The following EPCAM variants were observed in gnomAD, a reference collection of about 807,000 sequenced individuals.
EPCAM encodes epithelial cell adhesion molecule.
Under a neutral mutation model 40.0 loss-of-function variants are expected in EPCAM, and 39 were observed. The ratio of observed to expected loss-of-function variants is 0.98; its 90% CI spans 0.76 to 1.27. The LOEUF (loss-of-function observed/expected upper bound fraction) is 1.27. Among genes scored for constraint, EPCAM ranks in the 50% most tolerant of loss-of-function variants. The probability of loss-of-function intolerance (pLI) is 0.00; values close to 1 mark genes in which losing one functional copy is unlikely to be tolerated. For missense variants in EPCAM, 503 were observed against 381.2 expected, an observed-to-expected ratio of 1.32 and a Z score of -2.66; for synonymous variants, 168 against 132.3, an observed-to-expected ratio of 1.27 and a Z score of -1.85.
chr2:47,379,088 A>AATAAAGAAG, intron 6 of EPCAM, 34 bp downstream of exon 6: 2 of 1,099,628 alleles, frequency 1.8e-6, no homozygotes, highest in Non-Finnish European at 2.8e-6. Context: ...TGTGTTCAGG[A>AATAAAGAAG]ATGTAGTCTA....
At chr2:47,375,996 G>A (rs915845885) in intron 4 of EPCAM, among the ~76,000 whole-genome samples, 13 of 151,940 alleles carry the variant, frequency 8.6e-5, no homozygotes, top group Admixed American at 5.9e-4. Context: ...GAGCTTCCGC[G>A]CCCGGCCAGG....
chr2:47,380,204 T>A (rs143823393), intron 7 of EPCAM, among the ~76,000 whole-genome samples: 1 of 152,100 alleles, frequency 6.6e-6, no homozygotes, highest in African/African-American at 2.4e-5. Flanking sequence ...TGGTCCCATC[T>A]ACTTAGGAGG....
At chr2:47,381,208 C>T (rs557282818) in intron 7 of EPCAM, among the ~76,000 whole-genome samples, 1 of 149,942 alleles carries the variant, frequency 6.7e-6, no homozygotes, top group South Asian at 2.1e-4. Context: ...ACCAGCCTGA[C>T]CAACGTGGAG....
At chr2:47,374,719 C>G (rs187865379) in intron 3 of EPCAM, among the ~76,000 whole-genome samples, 1 of 152,074 alleles carries the variant, frequency 6.6e-6, no homozygotes, top group African/African-American at 2.4e-5. Context: ...TCTCAGCTCA[C>G]TGCAACCTCT....
chr2:47,369,915 C>T (rs1167091410), intron 1 of EPCAM: 7 of 436,880 alleles, frequency 1.6e-5, no homozygotes, highest in Admixed American at 3.2e-5. Flanking sequence ...CTGGCGCACC[C>T]ACGTCCTCGG....
chr2:47,384,940 C>G (rs1671700786), intron 7 of EPCAM, among the ~76,000 whole-genome samples: 1 of 152,120 alleles, frequency 6.6e-6, no homozygotes, highest in African/African-American at 2.4e-5. Context: ...CTCCTGACCT[C>G]AGATGATCTT....
intron 1 of EPCAM, chr2:47,369,847 A>T: frequency 1.7e-6 from 1 of 600,862 alleles, no homozygotes; most frequent in South Asian, 1.6e-5. Flanking sequence ...GGGGACAGGC[A>T]GGGAACGGAG....
chr2:47,370,666 G>C (rs758390221), intron 1 of EPCAM, among the ~76,000 whole-genome samples: 1 of 151,876 alleles, frequency 6.6e-6, no homozygotes, highest in Non-Finnish European at 1.5e-5. Context: ...TACGCCTCCC[G>C]GCCTCAGACC....
At chr2:47,383,530 C>G (rs1328232626) in intron 7 of EPCAM, 1 of 147,762 alleles carries the variant, frequency 6.8e-6, no homozygotes, top group Admixed American at 6.8e-5. Flanking sequence ...GTCTCGAACT[C>G]ATCACCTCGT....
intron 7 of EPCAM, among the ~76,000 whole-genome samples, chr2:47,382,667 C>T (rs1243871898): frequency 1.3e-5 from 2 of 152,062 alleles, no homozygotes; most frequent in South Asian, 2.1e-4. Context: ...GCCTGGGCAA[C>T]GAGAGCAAAA....
intron 7 of EPCAM, among the ~76,000 whole-genome samples, chr2:47,381,475 C>A (rs1174328279): frequency 6.6e-6 from 1 of 151,464 alleles, no homozygotes; most frequent in Non-Finnish European, 1.5e-5. Context: ...ACTTAGATTT[C>A]CAGTTCAATC....
chr2:47,369,822 C>T (rs556141957), intron 1 of EPCAM: 4 of 647,674 alleles, frequency 6.2e-6, no homozygotes, highest in Non-Finnish European at 1.2e-5. Flanking sequence ...AGGGAAATGG[C>T]CTTGGGCGGA....
intron 7 of EPCAM, among the ~76,000 whole-genome samples, chr2:47,381,621 A>G (rs1671593243): frequency 6.6e-6 from 1 of 152,168 alleles, no homozygotes. Flanking sequence ...TGGGCAGTGT[A>G]TCCATTTTCA....
At chr2:47,382,065 G>A (rs1671607583) in intron 7 of EPCAM, among the ~76,000 whole-genome samples, 1 of 151,900 alleles carries the variant, frequency 6.6e-6, no homozygotes, top group South Asian at 2.1e-4. Flanking sequence ...ATTGCACCTA[G>A]TCCTATATAT....
In EPCAM at chr2:47,369,317, C is replaced by G. The variant is rs539900942; in HGVS notation, c.-189C>G. 96 of 1,350,876 alleles carry G rather than the reference C, an allele frequency of 7.1e-5. 1 individual carries two copies. In the South Asian group the frequency reaches 1.4e-3, roughly 19 times the overall value. 83.7% of individuals were successfully genotyped at this position (1,350,876 alleles called of 1,614,324 possible). A position where few individuals can be genotyped will look rare whatever the true frequency, so the allele number is the denominator to read the frequency against. ...GCTCCGCCCCGCCGCGCGCACAGAG[C>G]GCTAGTCCTTCGGCGAGCGAGCACC... is the stretch of plus-strand genomic sequence containing the variant. On this transcript the variant is annotated 5_prime_UTR_variant, in exon 1 of 9. Transcript: ENST00000263735.
chr2:47,374,318 GT>G (rs1671365962), intron 3 of EPCAM, among the ~76,000 whole-genome samples: 2 of 151,928 alleles, frequency 1.3e-5, no homozygotes, highest in Admixed American at 1.3e-4. Context: ...AGCATACTAG[GT>G]ATAATTTTTC....
At chr2:47,385,288 A>AAATGCATCAGTG in intron 8 of EPCAM, 78 bp downstream of exon 8, 1 of 1,184,370 alleles carries the variant, frequency 8.4e-7, no homozygotes, top group Non-Finnish European at 1.3e-6. Flanking sequence ...CTACACACTG[A>AAATGCATCAGTG]TGCATTTCAG....
At position 47,373,208 on chromosome 2, in the gene EPCAM, A is replaced by T. The variant is rs1442748495; in HGVS notation, c.77-255A>T. 9.8e-5 allele frequency among the ~76,000 whole-genome samples: 13 copies of T among 132,626 alleles called. 1 individual carries two copies. The highest frequency in any genetic ancestry group is 4.2e-4 in the African/African-American group (13 of 30,758). 87.0% of individuals were successfully genotyped at this position (132,626 alleles called of 152,430 possible). ...CCACAGAGTGAGACCCTATCTTTAA[A>T]AAAAAAAAAAAAAAAAAAAAAAAAA... On this transcript the variant is annotated intron_variant, in intron 1 of 8. Transcript: ENST00000263735.
chr2:47,371,045 A>G (rs1001759944), intron 1 of EPCAM, among the ~76,000 whole-genome samples: 12 of 151,606 alleles, frequency 7.9e-5, no homozygotes, highest in South Asian at 2.1e-4. Context: ...ACATCTCACT[A>G]TGTTGCCCAG....
Sources: gnomAD v4.1 joint callset for allele counts (sites outside exome capture counted in the v4.1 genomes callset) on GRCh38, gnomAD v4.1.1 for gene constraint, MANE v1.5 for transcripts, NCBI Gene and HGNC (gene_info 2026-07-23, HGNC 2026-07-21) for gene names.